The following RNF14 variants were observed in gnomAD, a reference collection of about 807,000 sequenced individuals.
The protein encoded by RNF14 is E3 ubiquitin-protein ligase RNF14.
Under a neutral mutation model 52.6 loss-of-function variants are expected in RNF14, and 26 were observed. The ratio of observed to expected loss-of-function variants is 0.49; its 90% CI spans 0.36 to 0.69. The LOEUF (loss-of-function observed/expected upper bound fraction) is 0.69. RNF14 is among the 30% of genes least tolerant of loss of function. The probability of loss-of-function intolerance (pLI) is 0.00; values close to 1 mark genes in which losing one functional copy is unlikely to be tolerated. For missense variants in RNF14, 404 were observed against 560.4 expected, an observed-to-expected ratio of 0.72 and a Z score of 2.82; for synonymous variants, 194 against 202.0, an observed-to-expected ratio of 0.96 and a Z score of 0.34.
chr5:141,951,790 C>T, the RNF14 span, among the ~76,000 whole-genome samples: 1 of 152,112 alleles, frequency 6.6e-6, no homozygotes, highest in Non-Finnish European at 1.5e-5. Flanking sequence ...GTCATGTCAC[C>T]CCAGGACCTG....
rs1385408847 is a variant in RNF14 at position 141,974,815 on chromosome 5, G to A, written c.166G>A (p.Glu56Lys). 3 of 1,613,792 alleles carry A rather than the reference G, an allele frequency of 1.9e-6. No homozygotes were observed. The highest frequency in any genetic ancestry group is 1.7e-5 in the Admixed American group (1 of 59,974). ...TGTTTTTGGTTCAGGCAATTCAAAT[G>A]AGTGTCTCCAGAATAGTGGCTTTGA... is the stretch of plus-strand genomic sequence containing the variant. ...FKIFVSGNSN[E>K]CLQNSGFEYT... The change falls in exon 4 of 9, where the codon GAG becomes AAG. Residue 56 changes from glutamate (E) to lysine (K), a missense_variant. Physicochemically the swap from Glu to Lys is moderately conservative, Grantham distance 56 (BLOSUM62 1). Coordinates refer to ENST00000394520, the MANE Select transcript of RNF14 (RefSeq NM_004290.5).
intron 3 of RNF14, among the ~76,000 whole-genome samples, chr5:141,974,119 C>T (rs899030593): frequency 1.3e-5 from 2 of 152,216 alleles, no homozygotes; most frequent in African/African-American, 4.8e-5. Context: ...AGAATCATTT[C>T]AACTACTATA....
chr5:141,949,955 G>A, the RNF14 span, among the ~76,000 whole-genome samples: 1 of 152,200 alleles, frequency 6.6e-6, no homozygotes, highest in Non-Finnish European at 1.5e-5. Flanking sequence ...CACACAGGAG[G>A]AGTTTAGTAA....
At chr5:141,973,438 A>C (rs1484469030) in intron 2 of RNF14, 145 bp from the exon 3 acceptor site, 2 of 469,592 alleles carry the variant, frequency 4.3e-6, no homozygotes, top group Non-Finnish European at 7.3e-6. Flanking sequence ...GGGTTTCACC[A>C]TGTTGGCCAG....
intron 6 of RNF14, among the ~76,000 whole-genome samples, chr5:141,983,119 G>T (rs1005840377): frequency 1.3e-5 from 2 of 151,946 alleles, no homozygotes; most frequent in Non-Finnish European, 2.9e-5. Context: ...GTTTTAATTG[G>T]GTTGTAGCGA....
Position 141,989,085 on chromosome 5 carries a change from T to G in RNF14, c.*1295T>G, listed in dbSNP as rs1755457828. 1 of 152,372 alleles carries G rather than the reference T, an allele frequency of 6.6e-6. No homozygotes were observed. Among genetic ancestry groups the G allele is most frequent in the African/African-American group, 2.4e-5 (1 of 41,452 alleles). 9.4% of individuals were successfully genotyped at this position (152,372 alleles called of 1,614,324 possible). The stretch of plus-strand genomic sequence containing the variant: ...ATTGAGGAATCACTTTTAACTGTTT[T>G]AGGTGTGTGTGTCCAGAGTGAGCAA... On this transcript the variant is annotated 3_prime_UTR_variant, in exon 9 of 9. Transcript: ENST00000394520.
At chr5:141,955,217 G>C (rs61737138), upstream of RNF14, 1,509 of 1,614,194 alleles carry the variant, frequency 9.3e-4, 9 homozygotes, top group African/African-American at 0.017. This position sits in a 1 kb window ranked among gnomAD's most constrained non-coding sequence, Gnocchi z 5.5. Flanking sequence ...ACCTTCAGAG[G>C]CCTGGAACGT....
In RNF14 at chr5:141,978,362, C is replaced by G; in HGVS notation, c.366C>G (p.Val122=). ...NLWEEHRGSV[V]LFAWMQFLKE... ...GGGAAGAACACCGTGGCAGCGTGGT[C>G]CTGTTTGCCTGGATGCAATTTCTTA... Residue 122 remains valine, a synonymous_variant, in exon 5 of 9, where the codon GTC becomes GTG. Transcript: ENST00000394520. 1.2e-6 allele frequency: 2 copies of G among 1,613,978 alleles called. No homozygotes were observed. The highest frequency in any genetic ancestry group is 1.7e-6 in the Non-Finnish European group (2 of 1,179,908).
upstream of RNF14, chr5:141,957,188 G>T (rs368534266): frequency 2.5e-6 from 4 of 1,614,014 alleles, no homozygotes; most frequent in African/African-American, 5.3e-5. This position sits in a 1 kb window ranked among gnomAD's most constrained non-coding sequence, Gnocchi z 4.3. Context: ...GACTTGGGGG[G>T]GTTCCCATTG....
Position 141,987,813 on chromosome 5 carries a change from A to T in RNF14, c.*23A>T, listed in dbSNP as rs776493391. On this transcript the variant is annotated 3_prime_UTR_variant, in exon 9 of 9. Transcript: ENST00000394520. ...TAGTTAACTACTGCTCAAGATATGGAAGTGGATTGTTTTTCCCTAATCTTC... is the reference window on the plus strand; with the variant it reads ...TAGTTAACTACTGCTCAAGATATGGTAGTGGATTGTTTTTCCCTAATCTTC... The T allele has an allele frequency of 6.2e-7, 1 of 1,608,908 alleles. No individual in the cohort carries two copies. Among genetic ancestry groups the T allele is most frequent in the Non-Finnish European group, 8.5e-7 (1 of 1,176,632 alleles).
At chr5:141,951,672 T>C in the RNF14 span, 4 of 1,002,518 alleles carry the variant, frequency 4.0e-6, no homozygotes, top group Non-Finnish European at 6.4e-6. Flanking sequence ...TCAATGCCGG[T>C]GCTTTCTTTT....
upstream of RNF14, among the ~76,000 whole-genome samples, chr5:141,965,979 A>T (rs1753337196): frequency 1.5e-5 from 2 of 130,438 alleles, no homozygotes; most frequent in South Asian, 2.3e-4. Flanking sequence ...CTTAAAAGTT[A>T]AAAAAAAAAA....
chr5:141,984,867 T>G lies in RNF14; in HGVS notation c.1301T>G (p.Met434Arg), dbSNP rs558505824. The G allele has an allele frequency of 2.1e-5, 34 of 1,613,386 alleles. No homozygotes were observed. The South Asian group carries it at 3.7e-4, about 18-fold the overall frequency. The change falls in exon 8 of 9, where the codon ATG becomes AGG. Residue 434 changes from methionine to arginine, a missense_variant. Coordinates refer to ENST00000394520, the MANE Select transcript of RNF14 (RefSeq NM_004290.5). ...GCMQYFCWIC[M>R]GSLSRANPYK... is the part of the protein sequence containing the mutation. ...ATGCAATATTTCTGTTGGATTTGCATGGGTTCTCTCTCTAGAGCAAACCCT... is the reference window on the plus strand; with the variant it reads ...ATGCAATATTTCTGTTGGATTTGCAGGGGTTCTCTCTCTAGAGCAAACCCT...
intron 4 of RNF14, among the ~76,000 whole-genome samples, chr5:141,976,776 C>CTTTTTTTTTTTT (rs70991717): frequency 1.0e-5 from 1 of 100,080 alleles, no homozygotes; most frequent in Non-Finnish European, 2.0e-5. Flanking sequence ...CTTTCTCTCT[C>CTTTTTTTTTTTT]TTTTTTTTTT....
At chr5:141,956,236 T>A (rs758306482), upstream of RNF14, 4 of 1,614,212 alleles carry the variant, frequency 2.5e-6, no homozygotes, top group Non-Finnish European at 3.4e-6. Flanking sequence ...TTGCCCGCTG[T>A]CCTCTGCGAT....
chr5:141,959,001 C>G lies in RNF14; in HGVS notation c.-181+576C>G, dbSNP rs11744911. The G allele has an allele frequency of 0.035, 5,326 of 152,406 alleles. 139 individuals carry two copies. The highest frequency in any genetic ancestry group is 0.049 in the Non-Finnish European group (3,349 of 68,090). 9.4% of individuals were successfully genotyped at this position (152,406 alleles called of 1,614,324 possible). On this transcript the variant is annotated intron_variant, in intron 1 of 4. Transcript: ENST00000506822. The stretch of plus-strand genomic sequence containing the variant: ...ACTGACTTATGAGGGTGCCCATGGT[C>G]TTGATTCCAGAAGCTGCAAGAACCT...
chr5:141,966,174 A>G (rs1038685091), upstream of RNF14, among the ~76,000 whole-genome samples: 3 of 152,130 alleles, frequency 2.0e-5, no homozygotes, highest in South Asian at 4.1e-4. Context: ...CCAGCTACTC[A>G]GGAGGCTGAG....
At chr5:141,956,098 G>C, upstream of RNF14, 1 of 1,614,212 alleles carries the variant, frequency 6.2e-7, no homozygotes, top group Non-Finnish European at 8.5e-7. Flanking sequence ...CAGGTGGCCT[G>C]TGGAGGCATT....
At chr5:141,956,845 C>A (rs775963080), upstream of RNF14, 1 of 1,614,228 alleles carries the variant, frequency 6.2e-7, no homozygotes, top group East Asian at 2.2e-5. Flanking sequence ...GAGAACTTTG[C>A]AATGGGCTGG....
Sources: gnomAD v4.1 joint callset for allele counts (sites outside exome capture counted in the v4.1 genomes callset) on GRCh38, gnomAD v4.1.1 for gene constraint, Gnocchi (gnomAD v3.1) non-coding constraint, MANE v1.5 for transcripts, NCBI Gene and HGNC (gene_info 2026-07-23, HGNC 2026-07-21) for gene names.